ACYP1: variants seen among roughly 807,000 people sequenced by gnomAD.
ACYP1 encodes the protein acylphosphatase-1.
ACYP1 carries 8 observed loss-of-function variants against 10.4 expected under a neutral mutation model. That is an observed-to-expected ratio of 0.77 (90% confidence interval 0.45 to 1.38). ACYP1 has a LOEUF of 1.38. Ranked by LOEUF, ACYP1 falls within the 40% of genes most tolerant of loss-of-function variation. The pLI, the probability that ACYP1 is intolerant of heterozygous loss-of-function variation, is 0.00. For missense variants in ACYP1, 93 were observed against 117.3 expected, an observed-to-expected ratio of 0.79 and a Z score of 0.96; for synonymous variants, 38 against 40.8, an observed-to-expected ratio of 0.93 and a Z score of 0.26.
intron 2 of ACYP1, among the ~76,000 whole-genome samples, chr14:75,059,502 G>T (rs1450451599): frequency 6.6e-6 from 1 of 152,088 alleles, no homozygotes; most frequent in Non-Finnish European, 1.5e-5. Flanking sequence ...ACACTATCAA[G>T]AAATTAAAAA....
At chr14:75,068,855 A>G (rs1255409372), upstream of ACYP1, among the ~76,000 whole-genome samples, 2 of 152,216 alleles carry the variant, frequency 1.3e-5, no homozygotes, top group Non-Finnish European at 2.9e-5. Context: ...GAGTAGTTAC[A>G]GGGAAAAAGC....
chr14:75,061,606 A>C, intron 2 of ACYP1: 1 of 1,018,312 alleles, frequency 9.8e-7, no homozygotes, highest in African/African-American at 1.6e-5. Context: ...GCATACCACT[A>C]TCTGACCCTT....
intron 2 of ACYP1, among the ~76,000 whole-genome samples, chr14:75,054,580 A>T (rs1332398003): frequency 6.6e-6 from 1 of 151,632 alleles, no homozygotes; most frequent in Admixed American, 6.6e-5. Flanking sequence ...ATTACAAAAG[A>T]AAATGGGAGT....
At chr14:75,060,381 C>A in intron 2 of ACYP1, 1 of 533,162 alleles carries the variant, frequency 1.9e-6, no homozygotes, top group South Asian at 2.7e-5. Context: ...TCACACATTG[C>A]CAGTGAGAAC....
At chr14:75,063,612 C>T in intron 1 of ACYP1, 51 bp from the exon 2 acceptor site, 2 of 1,510,304 alleles carry the variant, frequency 1.3e-6, no homozygotes, top group African/African-American at 1.4e-5. Flanking sequence ...TTCCAGGACC[C>T]GCAAGCCTGA....
intron 2 of ACYP1, among the ~76,000 whole-genome samples, chr14:75,056,268 A>G (rs1407880862): frequency 6.6e-6 from 1 of 151,540 alleles, no homozygotes; most frequent in Non-Finnish European, 1.5e-5. Context: ...TAAGGGTTAA[A>G]AAAAAGAAGA....
chr14:75,066,985 G>A (rs981866924), upstream of ACYP1, among the ~76,000 whole-genome samples: 1 of 152,156 alleles, frequency 6.6e-6, no homozygotes, highest in Non-Finnish European at 1.5e-5. Context: ...AATGGGAGAG[G>A]ATCAGAGTTT....
chr14:75,065,184 T>C (rs1893122304), upstream of ACYP1, among the ~76,000 whole-genome samples: 1 of 152,250 alleles, frequency 6.6e-6, no homozygotes, highest in Admixed American at 6.5e-5. Context: ...TTATGATTCA[T>C]GTGTGTGAAG....
intron 2 of ACYP1, chr14:75,060,159 T>C: frequency 3.2e-6 from 2 of 621,224 alleles, no homozygotes; most frequent in Non-Finnish European, 2.9e-6. Context: ...TTTCCAAATA[T>C]TTTGGGATTT....
chr14:75,058,025 A>G (rs1396968882), intron 2 of ACYP1, among the ~76,000 whole-genome samples: 1 of 149,956 alleles, frequency 6.7e-6, no homozygotes, highest in Non-Finnish European at 1.5e-5. Flanking sequence ...TATAAAGAAA[A>G]GAGGTTTATT....
At chr14:75,057,964 C>CAAA (rs769312151) in intron 2 of ACYP1, among the ~76,000 whole-genome samples, 15,599 of 38,588 alleles carry the variant, frequency 0.4, 5,686 homozygotes, top group East Asian at 0.84. Flanking sequence ...GACTCTGTCT[C>CAAA]AAAAAAAAAA....
chr14:75,068,799 T>C (rs1221210492), upstream of ACYP1, among the ~76,000 whole-genome samples: 2 of 152,132 alleles, frequency 1.3e-5, no homozygotes, highest in Non-Finnish European at 2.9e-5. Flanking sequence ...GTTGAAGTAT[T>C]AACACTGATG....
chr14:75,062,659 CAAAAAAAA>C (rs534860020), intron 2 of ACYP1, among the ~76,000 whole-genome samples: 2 of 103,420 alleles, frequency 1.9e-5, no homozygotes, highest in African/African-American at 3.5e-5. Flanking sequence ...ACTAAAAATA[CAAAAAAAA>C]AAAAAAAAAA....
At chr14:75,059,148 C>A (rs1375248664) in intron 2 of ACYP1, among the ~76,000 whole-genome samples, 2 of 139,046 alleles carry the variant, frequency 1.4e-5, no homozygotes, top group Non-Finnish European at 3.0e-5. Context: ...ATCGAGATCG[C>A]GCCACTGCAC....
At chr14:75,069,109 C>T in intron 1 of ACYP1, 1 of 1,176,382 alleles carries the variant, frequency 8.5e-7, no homozygotes, top group Non-Finnish European at 1.2e-6. Flanking sequence ...TTAGATTGGC[C>T]ACAAAAACTA....
In ACYP1 at chr14:75,053,564, A is replaced by G; in HGVS notation, c.180T>C (p.Arg60=). The G allele has an allele frequency of 6.2e-7, 1 of 1,614,124 alleles. No individual in the cohort carries two copies. Among genetic ancestry groups the G allele is most frequent in the Non-Finnish European group, 8.5e-7 (1 of 1,180,024 alleles). The change falls in exon 3 of 3, where the codon CGT becomes CGC. Residue 60 remains arginine, a synonymous_variant. Transcript: ENST00000238618. ...GQLQGPISKV[R]HMQEWLETRG... is the part of the protein sequence containing the mutation. ...TTGTTTCAAGCCATTCCTGCATATGACGCACCTTGGAGATGGGACCTTGCA... is the reference window on the plus strand; with the variant it reads ...TTGTTTCAAGCCATTCCTGCATATGGCGCACCTTGGAGATGGGACCTTGCA...
intron 2 of ACYP1, chr14:75,061,745 G>T (rs1893021124): frequency 7.6e-6 from 12 of 1,584,844 alleles, no homozygotes; most frequent in Non-Finnish European, 1.0e-5. Flanking sequence ...CAGCAATTCT[G>T]TTTTCAACAG....
chr14:75,068,979 T>C (rs1013039453), upstream of ACYP1, among the ~76,000 whole-genome samples: 1 of 152,272 alleles, frequency 6.6e-6, no homozygotes, highest in Non-Finnish European at 1.5e-5. Context: ...CAGGTTATAC[T>C]GATTATTTTC....
chr14:75,053,431 T>A lies in ACYP1; in HGVS notation c.*13A>T, dbSNP rs749649214. 6.2e-6 allele frequency: 10 copies of A among 1,611,672 alleles called. 1 individual carries two copies. The South Asian group carries it at 1.1e-4, about 18-fold the overall frequency. ...ACCACTGAGTTTATCTTAGAAAACT[T>A]AAATTCAGGCCATTATTTTACAATT... On this transcript the variant is annotated 3_prime_UTR_variant, in exon 3 of 3. Transcript: ENST00000238618.
Sources: allele counts gnomAD v4.1 joint callset (sites outside exome capture counted in the v4.1 genomes callset), GRCh38; gene constraint gnomAD v4.1.1; transcripts MANE v1.5; gene names NCBI Gene and HGNC (gene_info 2026-07-23, HGNC 2026-07-21).